The following LEPR variants were observed in gnomAD, a reference collection of about 807,000 sequenced individuals.
LEPR encodes leptin receptor.
Under a neutral mutation model 114.7 loss-of-function variants are expected in LEPR, and 56 were observed. That is an observed-to-expected ratio of 0.49 (90% CI 0.39 to 0.61). LEPR has a LOEUF of 0.61. Ranked by LOEUF, LEPR falls within the 20% of genes least tolerant of loss-of-function variation. LEPR has a pLI of 0.00. For synonymous variants in LEPR, 443 were observed against 461.4 expected (o/e 0.96, Z 0.51); for missense variants, 1,202 against 1,352.9 (o/e 0.89, Z 1.75).
chr1:65,524,195 C>A (rs10889560), intron 2 of LEPR, among the ~76,000 whole-genome samples: 18,445 of 152,066 alleles, frequency 0.12, 1,396 homozygotes, highest in South Asian at 0.29. Context: ...TATGTTAGTT[C>A]GTACTGATTA....
chr1:65,432,566 TAAA>T (rs36067009), intron 2 of LEPR: 21,265 of 868,184 alleles, frequency 0.024, 6 homozygotes, highest in Non-Finnish European at 0.028. Flanking sequence ...CTCATTTGTT[TAAA>T]AAAAAAAAAA....
intron 2 of LEPR, among the ~76,000 whole-genome samples, chr1:65,505,023 G>A (rs921022786): frequency 5.9e-5 from 9 of 152,140 alleles, no homozygotes; most frequent in African/African-American, 1.4e-4. Flanking sequence ...TGCTGTCAAC[G>A]TGCAGCACTG....
chr1:65,609,917 A>G, intron 12 of LEPR, 30 bp from the exon 13 acceptor site: 1 of 1,614,112 alleles, frequency 6.2e-7, no homozygotes. Flanking sequence ...GTTGGTAATG[A>G]TCAATCTAAT....
chr1:65,618,472 C>A (rs1557699743), intron 16 of LEPR, among the ~76,000 whole-genome samples: 1 of 151,844 alleles, frequency 6.6e-6, no homozygotes, highest in Non-Finnish European at 1.5e-5. Context: ...ACTATAGACA[C>A]ACACCATCAC....
intron 2 of LEPR, among the ~76,000 whole-genome samples, chr1:65,426,170 G>A (rs1557581474): frequency 2.0e-5 from 3 of 152,126 alleles, no homozygotes; most frequent in Admixed American, 6.5e-5. Flanking sequence ...CAGCAAGCAG[G>A]CCATACAGAT....
intron 2 of LEPR, among the ~76,000 whole-genome samples, chr1:65,467,787 A>G (rs966272942): frequency 6.6e-6 from 1 of 152,242 alleles, no homozygotes; most frequent in African/African-American, 2.4e-5. Context: ...GCAGTGTCAC[A>G]GGTCAGACTG....
At chr1:65,433,826 T>C (rs1646521261) in intron 2 of LEPR, 1 of 983,842 alleles carries the variant, frequency 1.0e-6, no homozygotes, top group African/African-American at 1.7e-5. Context: ...TAAAATTTTT[T>C]TGTGATGTTG....
At chr1:65,586,505 A>G (rs1655327868) in intron 5 of LEPR, among the ~76,000 whole-genome samples, 1 of 151,948 alleles carries the variant, frequency 6.6e-6, no homozygotes, top group South Asian at 2.1e-4. Context: ...TCTTGGTCAC[A>G]GCTATTCAAC....
intron 2 of LEPR, among the ~76,000 whole-genome samples, chr1:65,449,566 C>T (rs984048382): frequency 6.6e-6 from 1 of 152,118 alleles, no homozygotes; most frequent in African/African-American, 2.4e-5. Context: ...CAACTACAGC[C>T]CTGGTGGAGC....
intron 2 of LEPR, among the ~76,000 whole-genome samples, chr1:65,548,752 C>T (rs1203883861): frequency 6.6e-6 from 1 of 151,718 alleles, no homozygotes; most frequent in Non-Finnish European, 1.5e-5. Context: ...TGGGTCTTGA[C>T]TCTTTATCCA....
intron 2 of LEPR, among the ~76,000 whole-genome samples, chr1:65,546,389 T>G (rs560854544): frequency 3.9e-5 from 6 of 152,296 alleles, no homozygotes; most frequent in East Asian, 3.9e-4. Context: ...ATCTATAAAT[T>G]ACCTTGGGCA....
chr1:65,488,667 T>C (rs1394179711), intron 2 of LEPR, among the ~76,000 whole-genome samples: 2 of 152,018 alleles, frequency 1.3e-5, no homozygotes, highest in Non-Finnish European at 2.9e-5. Flanking sequence ...TTGTTGACTA[T>C]AGTCACCCTG....
Position 65,610,022 on chromosome 1 carries a change from C to G in LEPR, c.1828C>G (p.Gln610Glu). Reference protein sequence around the residue: ...VPDLCAVYAVQVRCKRLDGLG... With the variant: ...VPDLCAVYAVEVRCKRLDGLG... ...AGACTTGTGTGCAGTCTATGCTGTTCAGGTGCGCTGTAAGAGGCTAGATGG... is the reference window on the plus strand; with the variant it reads ...AGACTTGTGTGCAGTCTATGCTGTTGAGGTGCGCTGTAAGAGGCTAGATGG... The change falls in exon 13 of 20, where the codon CAG (glutamine) becomes GAG (glutamate). Residue 610 changes from glutamine (Q) to glutamate (E), a missense_variant. Coordinates refer to ENST00000349533, the MANE Select transcript of LEPR (RefSeq NM_002303.6). 2.5e-6 allele frequency: 4 copies of G among 1,614,202 alleles called. No individual in the cohort carries two copies. Among genetic ancestry groups the G allele is most frequent in the Non-Finnish European group, 3.4e-6 (4 of 1,180,022 alleles).
chr1:65,486,426 T>C (rs1423767956), intron 2 of LEPR: 1 of 152,182 alleles, frequency 6.6e-6, no homozygotes, highest in Non-Finnish European at 1.5e-5. Context: ...TTCTTTGACA[T>C]GTGAAGCATA....
chr1:65,556,943 T>C (rs1652853282), intron 2 of LEPR, among the ~76,000 whole-genome samples: 1 of 152,192 alleles, frequency 6.6e-6, no homozygotes, highest in Non-Finnish European at 1.5e-5. Flanking sequence ...AGACATGATC[T>C]GATCTGTGTT....
At chr1:65,455,230 T>G (rs917565812) in intron 2 of LEPR, among the ~76,000 whole-genome samples, 3 of 152,114 alleles carry the variant, frequency 2.0e-5, no homozygotes, top group South Asian at 2.1e-4. Context: ...TGGTTTGAAT[T>G]TCCTCCCGTA....
chr1:65,608,608 A>T, intron 11 of LEPR, 145 bp from the exon 12 acceptor site: 1 of 959,436 alleles, frequency 1.0e-6, no homozygotes. Context: ...ATAAAGTAAT[A>T]GGGAAACAAA....
chr1:65,501,411 C>T lies in LEPR; in HGVS notation c.-20-64135C>T, dbSNP rs999467396. 5.9e-5 allele frequency among the ~76,000 whole-genome samples: 9 copies of T among 151,358 alleles called. No individual in the cohort carries two copies. The East Asian group carries it at 1.6e-3, about 27-fold the overall frequency. On this transcript the variant is annotated intron_variant, in intron 2 of 19. Transcript: ENST00000349533. ...TTTCATGTGGCTGTCTTCCCTCTGTCACTGGTGTCCTTAAAAGAAGAGAAA... is the reference window on the plus strand; with the variant it reads ...TTTCATGTGGCTGTCTTCCCTCTGTTACTGGTGTCCTTAAAAGAAGAGAAA...
At chr1:65,582,491 C>T (rs1655055321) in intron 5 of LEPR, among the ~76,000 whole-genome samples, 1 of 152,168 alleles carries the variant, frequency 6.6e-6, no homozygotes, top group African/African-American at 2.4e-5. Context: ...CCCCATAGGA[C>T]AGCCTGCACC....
Sources: gnomAD v4.1 joint callset for allele counts (sites outside exome capture counted in the v4.1 genomes callset) on GRCh38, gnomAD v4.1.1 for gene constraint, MANE v1.5 for transcripts, NCBI Gene and HGNC (gene_info 2026-07-23, HGNC 2026-07-21) for gene names.